Variants in XRN1 observed in about 807,000 individuals in gnomAD.
The protein encoded by XRN1 is strand-exchange protein 1 homolog.
XRN1 carries 67 observed loss-of-function variants against 222.3 expected under a neutral mutation model. The observed-to-expected ratio is 0.30, with a 90% confidence interval of 0.25 to 0.37. The LOEUF is 0.37. XRN1 is among the 10% of genes least tolerant of loss of function. XRN1 has a pLI of 1.00. For missense variants in XRN1, 1,707 were observed against 2,000.2 expected (o/e 0.85, Z 2.80); for synonymous variants, 643 against 652.4 (o/e 0.99, Z 0.22).
chr3:142,423,794 G>A (rs1404863311), intron 5 of XRN1, 152 bp from the exon 6 acceptor site: 1 of 593,412 alleles, frequency 1.7e-6, no homozygotes, highest in Admixed American at 3.7e-5. Flanking sequence ...CTATTTGTAG[G>A]TAATGAATGA....
Position 142,322,404 on chromosome 3 carries a change from T to C in XRN1, c.4405-3501A>G, listed in dbSNP as rs1347865605. 2.0e-5 allele frequency among the ~76,000 whole-genome samples: 3 copies of C among 152,114 alleles called. No individual in the cohort carries two copies. In the East Asian group the frequency reaches 5.8e-4, roughly 29 times the overall value. On this transcript the variant is annotated intron_variant, in intron 37 of 40. Transcript: ENST00000392981. ...GTTTTTAAAGTTTTTTTAGAGATGA[T>C]GGTCGGGCGCAGTGGCTCATGCCTG...
At chr3:142,326,502 T>C (rs1399572662) in intron 37 of XRN1, among the ~76,000 whole-genome samples, 3 of 152,168 alleles carry the variant, frequency 2.0e-5, no homozygotes, top group African/African-American at 7.2e-5. Flanking sequence ...TATGTTGATT[T>C]TGTATCCTAC....
At chr3:142,338,412 C>CT (rs1166074738) in intron 33 of XRN1, among the ~76,000 whole-genome samples, 24 of 152,110 alleles carry the variant, frequency 1.6e-4, no homozygotes. Context: ...GGATTCATCA[C>CT]TTGTTAACTA....
chr3:142,378,939 T>C (rs2067221175), intron 23 of XRN1, among the ~76,000 whole-genome samples: 1 of 151,974 alleles, frequency 6.6e-6, no homozygotes, highest in Non-Finnish European at 1.5e-5. Context: ...TCAACAACAA[T>C]ATGGAAACGA....
chr3:142,376,703 A>T, intron 23 of XRN1, 109 bp from the exon 24 acceptor site: 1 of 781,170 alleles, frequency 1.3e-6, no homozygotes, highest in Non-Finnish European at 2.0e-6. Context: ...TAACCATTGG[A>T]TTGTGGCAAT....
At chr3:142,397,245 T>C in intron 20 of XRN1, 84 bp downstream of exon 20, 5 of 1,322,322 alleles carry the variant, frequency 3.8e-6, no homozygotes, top group East Asian at 2.5e-5. Flanking sequence ...GTAACTACTA[T>C]GTTAAATGGA....
chr3:142,390,833 CAT>C (rs1344855770), intron 20 of XRN1, among the ~76,000 whole-genome samples: 4 of 152,258 alleles, frequency 2.6e-5, no homozygotes, highest in East Asian at 3.9e-4. Context: ...AACCTAGAAA[CAT>C]GTGATTCTTC....
chr3:142,332,933 T>C (rs755823840), intron 35 of XRN1, 34 bp downstream of exon 35: 2 of 1,609,104 alleles, frequency 1.2e-6, no homozygotes, highest in East Asian at 2.2e-5. Context: ...GTCGAGAAAT[T>C]ACCACAGTAA....
At chr3:142,433,262 TG>T (rs2108170146) in intron 1 of XRN1, among the ~76,000 whole-genome samples, 1 of 152,308 alleles carries the variant, frequency 6.6e-6, no homozygotes, top group East Asian at 1.9e-4. Context: ...TCCTCTATAA[TG>T]GGTAACAAAA....
chr3:142,364,030 G>C lies in XRN1; in HGVS notation c.3394+1017C>G, dbSNP rs185610943. Reference sequence around the variant, plus strand: ...AGAACCACTGTTCAAATTTAGGTAGGAATCAGGGGAAGGAGTTCAAATCCC... The same window carrying C: ...AGAACCACTGTTCAAATTTAGGTAGCAATCAGGGGAAGGAGTTCAAATCCC... On this transcript the variant is annotated intron_variant, in intron 29 of 40. Coordinates refer to ENST00000392981, the MANE Select transcript of XRN1 (RefSeq NM_001282857.2). Among the ~76,000 whole-genome samples the C allele has an allele frequency of 3.9e-5, 6 of 152,326 alleles. No individual in the cohort carries two copies. In the East Asian group the frequency reaches 1.2e-3, roughly 29 times the overall value.
At chr3:142,359,249 C>T (rs1372677659) in intron 30 of XRN1, among the ~76,000 whole-genome samples, 1 of 152,142 alleles carries the variant, frequency 6.6e-6, no homozygotes, top group South Asian at 2.1e-4. Context: ...AGTTAACTTT[C>T]TCCTTTCCTT....
rs2067257077 is a variant in XRN1, at chr3:142,380,074, G to T, written c.2715+8C>A. Reference sequence around the variant, plus strand: ...TCTAAATGAAACAATACAAACTACTGTACTCACATGCTGGTTCTGTATTAA... The same window carrying T: ...TCTAAATGAAACAATACAAACTACTTTACTCACATGCTGGTTCTGTATTAA... On this transcript the variant is annotated splice_region_variant and intron_variant, in intron 23 of 40. Transcript: ENST00000392981. 1.2e-6 allele frequency: 2 copies of T among 1,609,028 alleles called. No homozygotes were observed. Among genetic ancestry groups the T allele is most frequent in the African/African-American group, 2.7e-5 (2 of 74,718 alleles).
chr3:142,409,852 T>C (rs763880681), intron 15 of XRN1, among the ~76,000 whole-genome samples: 6 of 152,228 alleles, frequency 3.9e-5, no homozygotes, highest in Admixed American at 6.5e-5. Flanking sequence ...ACATATGTTG[T>C]TAAGTTTATA....
At chr3:142,321,083 T>C (rs1239687787) in intron 37 of XRN1, among the ~76,000 whole-genome samples, 1 of 151,758 alleles carries the variant, frequency 6.6e-6, no homozygotes, top group Admixed American at 6.6e-5. Context: ...CCAGCACCAT[T>C]TGCTGAAAGA....
chr3:142,354,775 C>T (rs2066414395), intron 32 of XRN1, among the ~76,000 whole-genome samples: 1 of 152,118 alleles, frequency 6.6e-6, no homozygotes, highest in African/African-American at 2.4e-5. Context: ...CAGTGATCCA[C>T]CCACCCCAGC....
chr3:142,438,103 A>G (rs552200393), intron 1 of XRN1, among the ~76,000 whole-genome samples: 1 of 152,354 alleles, frequency 6.6e-6, no homozygotes, highest in Non-Finnish European at 1.5e-5. Context: ...GCAGGAATGT[A>G]AATTAGTACA....
chr3:142,387,704 T>C (rs1396505206), intron 20 of XRN1, among the ~76,000 whole-genome samples: 2 of 152,222 alleles, frequency 1.3e-5, no homozygotes, highest in Non-Finnish European at 2.9e-5. Flanking sequence ...AAGTCTCACG[T>C]TGAAATCCAA....
At position 142,310,926 on chromosome 3, in the gene XRN1, C is replaced by A. The variant is rs1165491565; in HGVS notation, c.*585G>T. 2 of 152,590 alleles carry A rather than the reference C, an allele frequency of 1.3e-5. No homozygotes were observed. The highest frequency in any genetic ancestry group is 2.9e-5 in the Non-Finnish European group (2 of 68,020). 9.5% of individuals were successfully genotyped at this position (152,590 alleles called of 1,614,324 possible). A position where few individuals can be genotyped will look rare whatever the true frequency, so the allele number is the denominator to read the frequency against. On this transcript the variant is annotated 3_prime_UTR_variant, in exon 41 of 41. Coordinates refer to ENST00000392981, the MANE Select transcript of XRN1 (RefSeq NM_001282857.2). ...TTAGAATAAAGCAAAACTGGCAGCACCACAACAAATGTGATCCTTTCACAG... is the reference window on the plus strand; with the variant it reads ...TTAGAATAAAGCAAAACTGGCAGCAACACAACAAATGTGATCCTTTCACAG...
At chr3:142,355,717 G>C (rs1307534718) in intron 31 of XRN1, among the ~76,000 whole-genome samples, 1 of 151,936 alleles carries the variant, frequency 6.6e-6, no homozygotes, top group Non-Finnish European at 1.5e-5. Context: ...GAATTCCTGG[G>C]CTCAATCCTC....
Sources: gnomAD v4.1 joint callset for allele counts (sites outside exome capture counted in the v4.1 genomes callset) on GRCh38, gnomAD v4.1.1 for gene constraint, MANE v1.5 for transcripts, NCBI Gene and HGNC (gene_info 2026-07-23, HGNC 2026-07-21) for gene names.